Variants in ELF2 observed in about 807,000 individuals in gnomAD.
ELF2 encodes the protein ETS-related transcription factor Elf-2.
A neutral mutation model predicts 54.8 loss-of-function variants in ELF2; 11 were observed. That is an observed-to-expected ratio of 0.20 (90% CI 0.13 to 0.33). The LOEUF is 0.33. ELF2 is among the 10% of genes least tolerant of loss of function. ELF2 has a pLI of 1.00. For synonymous variants in ELF2, 203 were observed against 245.1 expected, an observed-to-expected ratio of 0.83 and a Z score of 1.61; for missense variants, 513 against 703.0, an observed-to-expected ratio of 0.73 and a Z score of 3.06.
intron 1 of ELF2, among the ~76,000 whole-genome samples, chr4:139,170,852 T>C (rs573587190): frequency 3.9e-5 from 6 of 151,996 alleles, no homozygotes; most frequent in African/African-American, 1.4e-4. Context: ...TTTATGCAGT[T>C]CTCCTACCTC....
chr4:139,164,436 G>GA (rs1222974430), intron 1 of ELF2, among the ~76,000 whole-genome samples: 1 of 152,166 alleles, frequency 6.6e-6, no homozygotes, highest in Non-Finnish European at 1.5e-5. Context: ...AGGAGTTCGA[G>GA]ACCAGCCTGG....
In ELF2 at chr4:139,151,028, A is replaced by AGAAAG. The variant is rs1553971270; in HGVS notation, c.-251-11532_-251-11531insCTTTC. On this transcript the variant is annotated intron_variant, in intron 1 of 9. Transcript: ENST00000686138. ...GACGGAACGAGGCTCCATCTCAAAA[A>AGAAAG]AAAAAAAGAAAGAAAGAAAGAAAGA... Among the ~76,000 whole-genome samples the AGAAAG allele has an allele frequency of 3.8e-5, 4 of 105,310 alleles. No homozygotes were observed. In the East Asian group the frequency reaches 6.6e-4, roughly 17 times the overall value. 69.1% of individuals were successfully genotyped at this position (105,310 alleles called of 152,430 possible). A position where few individuals can be genotyped will look rare whatever the true frequency, so the allele number is the denominator to read the frequency against.
At chr4:139,161,192 A>G (rs894353501) in intron 1 of ELF2, among the ~76,000 whole-genome samples, 1 of 152,236 alleles carries the variant, frequency 6.6e-6, no homozygotes, top group South Asian at 2.1e-4. Context: ...GTTAAAATAT[A>G]TAGGAATCAA....
chr4:139,070,554 G>A (rs1237338370), intron 6 of ELF2, among the ~76,000 whole-genome samples: 1 of 152,118 alleles, frequency 6.6e-6, no homozygotes, highest in East Asian at 1.9e-4. Flanking sequence ...GACCCCCAAA[G>A]TGCTGGGATT....
intron 3 of ELF2, among the ~76,000 whole-genome samples, chr4:139,135,279 G>GT: frequency 7.3e-6 from 1 of 136,578 alleles, no homozygotes. Context: ...GTGTGTGTGT[G>GT]TATATATGAA....
At chr4:139,096,572 C>CTGGG (rs1257898053) in intron 4 of ELF2, among the ~76,000 whole-genome samples, 7 of 151,668 alleles carry the variant, frequency 4.6e-5, no homozygotes, top group Admixed American at 6.6e-5. Context: ...AGCGATTCTC[C>CTGGG]TGCCTCAGCT....
At chr4:139,176,616 A>G (rs1248860850) in intron 1 of ELF2, among the ~76,000 whole-genome samples, 1 of 152,006 alleles carries the variant, frequency 6.6e-6, no homozygotes, top group African/African-American at 2.4e-5. Flanking sequence ...CAGAGATGTA[A>G]ACACGGAGAG....
chr4:139,169,602 A>G (rs1487738718), intron 1 of ELF2, among the ~76,000 whole-genome samples: 2 of 152,156 alleles, frequency 1.3e-5, no homozygotes, highest in East Asian at 3.9e-4. Flanking sequence ...TCATGCCTGT[A>G]ATCCCAGCAC....
At chr4:139,173,332 C>T (rs1418907107) in intron 1 of ELF2, among the ~76,000 whole-genome samples, 2 of 151,622 alleles carry the variant, frequency 1.3e-5, no homozygotes, top group African/African-American at 2.4e-5. Flanking sequence ...AATGACAACA[C>T]ATCTACACAA....
chr4:139,141,970 T>C (rs1738749061), intron 1 of ELF2, among the ~76,000 whole-genome samples: 1 of 152,194 alleles, frequency 6.6e-6, no homozygotes, highest in South Asian at 2.1e-4. Flanking sequence ...AGCACTCCAT[T>C]CATTAATTCA....
rs376318822 is a variant in ELF2 at position 139,060,679 on chromosome 4, A to G, written c.807-5T>C. The stretch of plus-strand genomic sequence containing the variant: ...ATTCCCCTTTGGTAGTAGTATCTGT[A>G]AGGGGAAAATGTACCAAATGAATCA... On this transcript the variant is annotated splice_polypyrimidine_tract_variant and splice_region_variant and intron_variant, in intron 8 of 9. Transcript: ENST00000686138. 3.6e-5 allele frequency: 56 copies of G among 1,572,418 alleles called. No individual in the cohort carries two copies. The highest frequency in any genetic ancestry group is 2.3e-4 in the Middle Eastern group (1 of 4,326).
chr4:139,111,088 G>T (rs1734903753), intron 4 of ELF2, among the ~76,000 whole-genome samples: 1 of 151,902 alleles, frequency 6.6e-6, no homozygotes, highest in Non-Finnish European at 1.5e-5. Context: ...CCATTATAAA[G>T]CCCTTTGATA....
chr4:139,165,554 C>A (rs1286838764), intron 1 of ELF2, among the ~76,000 whole-genome samples: 1 of 151,764 alleles, frequency 6.6e-6, no homozygotes, highest in African/African-American at 2.4e-5. Flanking sequence ...TCCCAGCTAC[C>A]CGGGAGGCTG....
At chr4:139,083,047 G>C (rs980881015) in intron 4 of ELF2, among the ~76,000 whole-genome samples, 1 of 152,094 alleles carries the variant, frequency 6.6e-6, no homozygotes, top group Admixed American at 6.5e-5. Flanking sequence ...CATTGGCCCA[G>C]CGCGGGCCCG....
intron 1 of ELF2, among the ~76,000 whole-genome samples, chr4:139,145,840 C>G (rs912405328): frequency 6.6e-6 from 1 of 151,996 alleles, no homozygotes; most frequent in Admixed American, 6.6e-5. Context: ...ATCAAGTATC[C>G]CTTTATGATA....
intron 3 of ELF2, among the ~76,000 whole-genome samples, chr4:139,133,621 T>C (rs534081138): frequency 4.0e-5 from 6 of 151,406 alleles, no homozygotes; most frequent in African/African-American, 1.5e-4. Flanking sequence ...TATATTTCAT[T>C]AAACTTTTCC....
At chr4:139,122,989 C>A (rs1736536406) in intron 4 of ELF2, among the ~76,000 whole-genome samples, 1 of 151,694 alleles carries the variant, frequency 6.6e-6, no homozygotes, top group South Asian at 2.1e-4. Flanking sequence ...TCGAGACCAT[C>A]CTGGCCAACA....
Position 139,168,596 on chromosome 4 carries a change from C to T in ELF2, c.-252+8371G>A, listed in dbSNP as rs1422915721. ...GTGACTGAAAGGGTCCTGACACTGA[C>T]TCCTAGTTTGACAAGCACTCCCTCC... is the stretch of plus-strand genomic sequence containing the variant. On this transcript the variant is annotated intron_variant, in intron 1 of 9. Coordinates refer to ENST00000686138, the MANE Select transcript of ELF2 (RefSeq NM_001331036.3). Among the ~76,000 whole-genome samples, 3 of 152,274 alleles carry T rather than the reference C, an allele frequency of 2.0e-5. No individual in the cohort carries two copies. The East Asian group carries it at 5.8e-4, about 29-fold the overall frequency.
intron 7 of ELF2, chr4:139,067,312 AATT>A (rs1409558683): frequency 1.8e-5 from 3 of 169,550 alleles, no homozygotes; most frequent in African/African-American, 7.2e-5. Flanking sequence ...AAAAGAAAGA[AATT>A]ATTAGAAACA....
Sources: allele counts gnomAD v4.1 joint callset (sites outside exome capture counted in the v4.1 genomes callset), GRCh38; gene constraint gnomAD v4.1.1; transcripts MANE v1.5; gene names NCBI Gene and HGNC (gene_info 2026-07-23, HGNC 2026-07-21).